The following ANKFN1 variants were observed in gnomAD, a reference collection of about 807,000 sequenced individuals.
ANKFN1 encodes ankyrin repeat and fibronectin type-III domain-containing protein 1.
Under a neutral mutation model 108.7 loss-of-function variants are expected in ANKFN1, and 74 were observed. That is an observed-to-expected ratio of 0.68 (90% CI 0.56 to 0.83). The LOEUF (loss-of-function observed/expected upper bound fraction) is 0.83. ANKFN1 is among the 40% of genes least tolerant of loss of function. The pLI is 0.00. For missense variants in ANKFN1, 1,505 were observed against 1,382.3 expected, an observed-to-expected ratio of 1.09 and a Z score of -1.41; for synonymous variants, 547 against 516.2, an observed-to-expected ratio of 1.06 and a Z score of -0.81.
chr17:56,158,188 C>G (rs1909291560), intron 1 of ANKFN1, among the ~76,000 whole-genome samples: 1 of 152,176 alleles, frequency 6.6e-6, no homozygotes, highest in Non-Finnish European at 1.5e-5. Context: ...CCCTAACACT[C>G]AAGCTAATTC....
intron 11 of ANKFN1, among the ~76,000 whole-genome samples, chr17:56,455,404 A>G (rs1408751343): frequency 6.6e-6 from 1 of 152,248 alleles, no homozygotes; most frequent in Non-Finnish European, 1.5e-5. Flanking sequence ...TTTGTTCTGC[A>G]AGGAATAACC....
chr17:56,422,882 C>T (rs1305861489), intron 8 of ANKFN1, among the ~76,000 whole-genome samples: 1 of 152,200 alleles, frequency 6.6e-6, no homozygotes, highest in African/African-American at 2.4e-5. Flanking sequence ...TTTTGCTAGA[C>T]CACGTGCTTG....
At chr17:56,312,010 C>G (rs1054066539) in intron 3 of ANKFN1, among the ~76,000 whole-genome samples, 17 of 152,104 alleles carry the variant, frequency 1.1e-4, no homozygotes, top group Admixed American at 1.1e-3. Context: ...CTATGGTTCA[C>G]CTGAAAACTT....
At chr17:56,088,199 T>A (rs1462889853) in intron 4 of ANKFN1, among the ~76,000 whole-genome samples, 2 of 151,410 alleles carry the variant, frequency 1.3e-5, no homozygotes, top group Non-Finnish European at 3.0e-5. Flanking sequence ...ATCTCGTTTT[T>A]TAGCACCAGC....
intron 4 of ANKFN1, among the ~76,000 whole-genome samples, chr17:56,130,931 T>G (rs12150037): frequency 6.6e-6 from 1 of 151,778 alleles, no homozygotes; most frequent in African/African-American, 2.4e-5. Flanking sequence ...GCTTCTAACT[T>G]GAGTTTTTTT....
intron 4 of ANKFN1, among the ~76,000 whole-genome samples, chr17:56,070,539 G>C (rs770783130): frequency 6.6e-6 from 1 of 152,018 alleles, no homozygotes; most frequent in Non-Finnish European, 1.5e-5. Context: ...CCCAAATAAG[G>C]TCACATTCAT....
At chr17:56,481,301 TA>T (rs2050694250) in intron 17 of ANKFN1, among the ~76,000 whole-genome samples, 1 of 152,162 alleles carries the variant, frequency 6.6e-6, no homozygotes, top group Non-Finnish European at 1.5e-5. Context: ...CTGTCAAAAT[TA>T]TTGTTGTATC....
At chr17:56,114,265 C>G (rs995392346) in intron 4 of ANKFN1, among the ~76,000 whole-genome samples, 1 of 152,072 alleles carries the variant, frequency 6.6e-6, no homozygotes, top group Non-Finnish European at 1.5e-5. Flanking sequence ...AGTTAAGAAC[C>G]CTTGCACATC....
At chr17:56,283,155 T>C (rs2044128897) in intron 3 of ANKFN1, among the ~76,000 whole-genome samples, 2 of 152,146 alleles carry the variant, frequency 1.3e-5, no homozygotes, top group South Asian at 4.1e-4. Flanking sequence ...CATGTGTCCA[T>C]GTGTACTCAG....
At chr17:56,443,684 G>A (rs989018401) in intron 10 of ANKFN1, among the ~76,000 whole-genome samples, 2 of 152,176 alleles carry the variant, frequency 1.3e-5, no homozygotes, top group Admixed American at 1.3e-4. Context: ...AGTGGTGGCT[G>A]AGAAACCCAG....
intron 4 of ANKFN1, among the ~76,000 whole-genome samples, chr17:56,050,560 G>A (rs1164731731): frequency 1.0e-4 from 15 of 148,164 alleles, no homozygotes; most frequent in African/African-American, 3.7e-4. Flanking sequence ...ATCTTGAATT[G>A]ATTTTTGTAT....
intron 1 of ANKFN1, among the ~76,000 whole-genome samples, chr17:56,164,645 A>G (rs1909982163): frequency 6.6e-6 from 1 of 152,206 alleles, no homozygotes. Flanking sequence ...TGAAAATAGC[A>G]AAGTCTTTTT....
At chr17:56,499,360 G>T (rs999083653) in intron 20 of ANKFN1, among the ~76,000 whole-genome samples, 1 of 152,084 alleles carries the variant, frequency 6.6e-6, no homozygotes, top group Non-Finnish European at 1.5e-5. Context: ...GATGCAAAAG[G>T]ATATAAAACA....
intron 20 of ANKFN1, among the ~76,000 whole-genome samples, chr17:56,502,967 T>C (rs2051421722): frequency 6.6e-6 from 1 of 152,230 alleles, no homozygotes; most frequent in South Asian, 2.1e-4. Context: ...GTAGAACTCC[T>C]GTGCGTCAAT....
rs561914523 is a variant in ANKFN1, at chr17:56,438,996, G to T, written c.911-1331G>T. Among the ~76,000 whole-genome samples, 4 of 152,276 alleles carry T rather than the reference G, an allele frequency of 2.6e-5. 1 individual carries two copies. The South Asian group carries it at 8.3e-4, about 32-fold the overall frequency. On this transcript the variant is annotated intron_variant, in intron 8 of 20. Transcript: ENST00000682825. ...TAGAAAGGCAAGTGCAACCAAAACC[G>T]GGGGAGGGGAATGGTTGCACAAAGT...
chr17:56,194,067 T>C (rs1316539471), intron 1 of ANKFN1, among the ~76,000 whole-genome samples: 1 of 152,180 alleles, frequency 6.6e-6, no homozygotes, highest in Non-Finnish European at 1.5e-5. Flanking sequence ...ATTAAAGCAA[T>C]GATATACCAC....
chr17:56,074,308 C>A (rs568202057), intron 4 of ANKFN1, among the ~76,000 whole-genome samples: 1 of 152,212 alleles, frequency 6.6e-6, no homozygotes, highest in Non-Finnish European at 1.5e-5. Flanking sequence ...TGCAGGGGCA[C>A]CCACGGCTCC....
At chr17:56,302,014 T>C (rs764696138) in intron 3 of ANKFN1, among the ~76,000 whole-genome samples, 2 of 152,214 alleles carry the variant, frequency 1.3e-5, no homozygotes, top group Non-Finnish European at 2.9e-5. Flanking sequence ...CTTTATAGAT[T>C]AACCACTTTA....
intron 3 of ANKFN1, among the ~76,000 whole-genome samples, chr17:56,300,307 C>T (rs1232567508): frequency 6.6e-6 from 1 of 152,192 alleles, no homozygotes; most frequent in East Asian, 1.9e-4. Flanking sequence ...GATGAGGGCA[C>T]AGGGCAAAAC....
Sources: gnomAD v4.1 joint callset for allele counts (sites outside exome capture counted in the v4.1 genomes callset) on GRCh38, gnomAD v4.1.1 for gene constraint, MANE v1.5 for transcripts, NCBI Gene and HGNC (gene_info 2026-07-23, HGNC 2026-07-21) for gene names.